The following LRSAM1 variants were observed in gnomAD, a reference collection of about 807,000 sequenced individuals.
The protein encoded by LRSAM1 is E3 ubiquitin-protein ligase LRSAM1.
Under a neutral mutation model 118.1 loss-of-function variants are expected in LRSAM1, and 96 were observed. The observed-to-expected ratio is 0.81, with a 90% CI of 0.69 to 0.96. The LOEUF is 0.96. Ranked by LOEUF, LRSAM1 falls within the 40% of genes least tolerant of loss-of-function variation. LRSAM1 has a pLI of 0.00. For synonymous variants in LRSAM1, 322 were observed against 364.2 expected (o/e 0.88, Z 1.32); for missense variants, 804 against 915.5 (o/e 0.88, Z 1.57).
intron 17 of LRSAM1, among the ~76,000 whole-genome samples, chr9:127,487,221 C>T (rs961734887): frequency 2.6e-5 from 4 of 151,434 alleles, no homozygotes; most frequent in Admixed American, 6.6e-5. Flanking sequence ...GGTGCCAAAG[C>T]ACAAACATAC....
At chr9:127,452,273 G>C (rs1834350864) in intron 2 of LRSAM1, 189 bp downstream of exon 2, 1 of 152,454 alleles carries the variant, frequency 6.6e-6, no homozygotes, top group African/African-American at 2.4e-5. Context: ...GGGGGTGCAA[G>C]AGGGTTAGTG....
At chr9:127,496,944 G>C (rs1190028643) in intron 23 of LRSAM1, among the ~76,000 whole-genome samples, 2 of 152,258 alleles carry the variant, frequency 1.3e-5, no homozygotes, top group Admixed American at 1.3e-4. Context: ...AGGTGTGCAG[G>C]TGAAGCCTGG....
chr9:127,470,637 T>C (rs769537839), intron 10 of LRSAM1, among the ~76,000 whole-genome samples: 1 of 152,118 alleles, frequency 6.6e-6, no homozygotes. Context: ...GTAGAATGGA[T>C]AACTAAACTG....
intron 17 of LRSAM1, chr9:127,486,260 C>T (rs1331807337): frequency 3.5e-6 from 1 of 288,732 alleles, no homozygotes; most frequent in South Asian, 3.4e-5. Context: ...GTGCTCTTGA[C>T]TGTGGTACAC....
chr9:127,461,139 C>G (rs768701463), intron 7 of LRSAM1, 34 bp from the exon 8 acceptor site: 1 of 1,566,140 alleles, frequency 6.4e-7, no homozygotes, highest in Non-Finnish European at 8.8e-7. Context: ...CAGGCATAAG[C>G]CACTGCGCCT....
chr9:127,491,068 C>T (rs1835915176), intron 19 of LRSAM1, 147 bp from the exon 20 acceptor site: 2 of 736,878 alleles, frequency 2.7e-6, no homozygotes, highest in East Asian at 2.5e-5. Context: ...ACGAGGTTCC[C>T]AGGCCCGCAG....
At chr9:127,487,624 A>G in intron 17 of LRSAM1, 52 bp from the exon 18 acceptor site, 2 of 1,543,112 alleles carry the variant, frequency 1.3e-6, no homozygotes, top group Non-Finnish European at 1.8e-6. Context: ...GGCACATAGT[A>G]GGTGCTCGGG....
At chr9:127,461,589 T>G (rs1834749013) in intron 8 of LRSAM1, among the ~76,000 whole-genome samples, 1 of 152,204 alleles carries the variant, frequency 6.6e-6, no homozygotes, top group Admixed American at 6.5e-5. Flanking sequence ...GCAGTAAGGT[T>G]CTGAGCAGTG....
At chr9:127,456,619 C>G (rs947309989) in intron 5 of LRSAM1, among the ~76,000 whole-genome samples, 4 of 152,078 alleles carry the variant, frequency 2.6e-5, no homozygotes, top group African/African-American at 9.7e-5. Context: ...AATCCCAGCA[C>G]TTCGGGAGGC....
rs188041445 is a variant in LRSAM1 at position 127,486,372 on chromosome 9, C to T, written c.1259+537C>T. 6.6e-3 allele frequency: 1,118 copies of T among 168,546 alleles called. 14 individuals are homozygous for T. Among genetic ancestry groups the T allele is most frequent in the African/African-American group, 0.025 (1,033 of 41,964 alleles). 10.4% of individuals were successfully genotyped at this position (168,546 alleles called of 1,614,324 possible). A position where few individuals can be genotyped will look rare whatever the true frequency, so the allele number is the denominator to read the frequency against. ...GATGGCTGCTCTGGGGTCCGGCTCC[C>T]TGTGCTCACTGGGCACTGTGGGTTT... is the stretch of plus-strand genomic sequence containing the variant. On this transcript the variant is annotated intron_variant, in intron 17 of 25. Coordinates refer to ENST00000300417, the MANE Select transcript of LRSAM1 (RefSeq NM_001005373.4).
chr9:127,483,109 G>T lies in LRSAM1; in HGVS notation c.1159+89G>T. 4 of 1,224,562 alleles carry T rather than the reference G, an allele frequency of 3.3e-6. No individual in the cohort carries two copies. The highest frequency in any genetic ancestry group is 3.6e-6 in the Non-Finnish European group (3 of 839,186). The allele number at this position is 1,224,562 out of a possible 1,614,324, so 75.9% of individuals were successfully genotyped here. A position where few individuals can be genotyped will look rare whatever the true frequency, so the allele number is the denominator to read the frequency against. On this transcript the variant is annotated intron_variant, in intron 16 of 25. Transcript: ENST00000300417. ...GCCCTCCCTCTGTTGGCCATGCATG[G>T]AGGGCCCTGAGTGTTAGCCCTCGAG...
chr9:127,481,973 C>A (rs1204455441), intron 15 of LRSAM1, among the ~76,000 whole-genome samples: 1 of 151,502 alleles, frequency 6.6e-6, no homozygotes, highest in Non-Finnish European at 1.5e-5. Context: ...GAAAAAAAAT[C>A]TAAATTTCTG....
In LRSAM1 at chr9:127,489,638, A is replaced by G. The variant is rs555184727; in HGVS notation, c.1422+120A>G. ...CCCAGCTCCTTGGCTTGCTAGCCCA[A>G]CAAGAGGTCGAGGCCTTGCCCTCAG... On this transcript the variant is annotated intron_variant, in intron 19 of 25. Transcript: ENST00000300417. 6 of 1,130,246 alleles carry G rather than the reference A, an allele frequency of 5.3e-6. No individual in the cohort carries two copies. The East Asian group carries it at 1.3e-4, about 24-fold the overall frequency. 70.0% of individuals were successfully genotyped at this position (1,130,246 alleles called of 1,614,324 possible).
rs371872032 is a variant in LRSAM1 at position 127,495,442 on chromosome 9, C to T, written c.1698+24C>T. 1.5e-4 allele frequency: 248 copies of T among 1,605,666 alleles called. No individual in the cohort carries two copies. In the African/African-American group the frequency reaches 2.6e-3, roughly 17 times the overall value. ...AAGTAAGGACTGCTGGTGCCTGTCC[C>T]GGCCAGGGAGCCCTGGGGACCTCCT... On this transcript the variant is annotated intron_variant, in intron 22 of 25. Coordinates refer to ENST00000300417, the MANE Select transcript of LRSAM1 (RefSeq NM_001005373.4).
intron 21 of LRSAM1, among the ~76,000 whole-genome samples, chr9:127,493,848 C>T (rs1393038651): frequency 1.3e-5 from 2 of 152,242 alleles, no homozygotes; most frequent in African/African-American, 2.4e-5. Flanking sequence ...TGGAAAAGAC[C>T]GAGTCGTTCC....
intron 18 of LRSAM1, 68 bp downstream of exon 18, chr9:127,487,831 A>G: frequency 7.2e-7 from 1 of 1,383,742 alleles, no homozygotes; most frequent in Non-Finnish European, 1.0e-6. Flanking sequence ...GGCAGAGTGC[A>G]GAGCTCCACA....
chr9:127,495,445 C>T (rs779538129), intron 22 of LRSAM1, 27 bp downstream of exon 22: 1 of 1,602,924 alleles, frequency 6.2e-7, no homozygotes, highest in South Asian at 1.1e-5. Context: ...CCTGTCCCGG[C>T]CAGGGAGCCC....
At position 127,465,077 on chromosome 9, in the gene LRSAM1, C is replaced by CA. The variant is rs372988985; in HGVS notation, c.529-2662dup. Among the ~76,000 whole-genome samples the CA allele has an allele frequency of 0.013, 2,032 of 152,214 alleles. 44 individuals carry two copies. The highest frequency in any genetic ancestry group is 0.046 in the African/African-American group (1,913 of 41,520). On this transcript the variant is annotated intron_variant, in intron 9 of 25. Coordinates refer to ENST00000300417, the MANE Select transcript of LRSAM1 (RefSeq NM_001005373.4). This position sits in a 1 kb window ranked among gnomAD's most constrained non-coding sequence, Gnocchi z 4.1. ...TACTGTGGGCAAGATCTTCAGGTGT[C>CA]ACGCACGCCACCCACCAAACAGCCC...
chr9:127,491,808 C>T (rs906533980), intron 20 of LRSAM1, among the ~76,000 whole-genome samples: 10 of 152,232 alleles, frequency 6.6e-5, no homozygotes, highest in Non-Finnish European at 1.2e-4. Flanking sequence ...TGGCAGCTGG[C>T]GTCCTGGACT....
Sources: allele counts gnomAD v4.1 joint callset (sites outside exome capture counted in the v4.1 genomes callset), GRCh38; gene constraint gnomAD v4.1.1; non-coding constraint Gnocchi (gnomAD v3.1); transcripts MANE v1.5; gene names NCBI Gene and HGNC (gene_info 2026-07-23, HGNC 2026-07-21).